SIRT1: variants seen among roughly 807,000 people sequenced by gnomAD.
The protein encoded by SIRT1 is NAD-dependent protein deacetylase sirtuin-1.
SIRT1 carries 24 observed loss-of-function variants against 67.9 expected under a neutral mutation model. That is an observed-to-expected ratio of 0.35 (90% CI 0.26 to 0.50). The LOEUF (loss-of-function observed/expected upper bound fraction) is 0.50. Among genes scored for constraint, SIRT1 ranks in the 20% least tolerant of loss-of-function variants. The pLI is 0.98. For synonymous variants in SIRT1, 378 were observed against 350.7 expected, an observed-to-expected ratio of 1.08 and a Z score of -0.87; for missense variants, 873 against 937.2, an observed-to-expected ratio of 0.93 and a Z score of 0.89.
chr10:67,886,078 G>T (rs1424124995), intron 1 of SIRT1, among the ~76,000 whole-genome samples: 1 of 151,498 alleles, frequency 6.6e-6, no homozygotes, highest in Non-Finnish European at 1.5e-5. Flanking sequence ...GAGTAGCTGG[G>T]ACTACAGACA....
intron 4 of SIRT1, among the ~76,000 whole-genome samples, chr10:67,899,815 TGGCTC>T (rs1842713583): frequency 6.6e-6 from 1 of 152,044 alleles, no homozygotes; most frequent in Admixed American, 6.6e-5. Flanking sequence ...CCAGGTGCGG[TGGCTC>T]ACACCTGTAA....
intron 8 of SIRT1, among the ~76,000 whole-genome samples, chr10:67,914,794 G>A (rs1022226233): frequency 1.4e-5 from 2 of 147,868 alleles, no homozygotes; most frequent in African/African-American, 2.5e-5. Flanking sequence ...GGCAACCTCC[G>A]CCTCCCGGGT....
chr10:67,898,960 T>TG (rs1842701173), intron 4 of SIRT1, among the ~76,000 whole-genome samples: 1 of 152,158 alleles, frequency 6.6e-6, no homozygotes. Flanking sequence ...AGTGGTGAAC[T>TG]GTAATTCTGT....
intron 4 of SIRT1, among the ~76,000 whole-genome samples, chr10:67,904,127 G>GTTTTTTTTTTTTTTTTTTTTT (rs1401398689): frequency 7.1e-6 from 1 of 140,050 alleles, no homozygotes. Context: ...TTTTTTGTTT[G>GTTTTTTTTTTTTTTTTTTTTT]TTTTTTTTTT....
intron 5 of SIRT1, among the ~76,000 whole-genome samples, 153 bp from the exon 6 acceptor site, chr10:67,907,893 T>C (rs1302599635): frequency 6.6e-6 from 1 of 152,208 alleles, no homozygotes; most frequent in African/African-American, 2.4e-5. Context: ...AAATCTGCAG[T>C]GTGTTCTGAG....
intron 8 of SIRT1, 26 bp from the exon 9 acceptor site, chr10:67,916,239 G>C: frequency 6.4e-7 from 1 of 1,573,754 alleles, no homozygotes; most frequent in Non-Finnish European, 8.7e-7. Context: ...AAAACTGAAA[G>C]TAACATTTTT....
Position 67,916,467 on chromosome 10 carries a change from T to C in SIRT1, c.2118T>C (p.Pro706=), listed in dbSNP as rs1564896166. 1.9e-6 allele frequency: 3 copies of C among 1,614,100 alleles called. 1 individual carries two copies. In the South Asian group the frequency reaches 3.3e-5, roughly 18 times the overall value. Residue 706 remains proline, a synonymous_variant, in exon 9 of 9, where the codon CCT becomes CCC. Transcript: ENST00000212015. ...TCTACAATGGCTTAGAAGATGAGCC[T>C]GATGTTCCAGAGAGAGCTGGAGGAG... ...EEFYNGLEDE[P]DVPERAGGAG...
rs1842444724 is a variant in SIRT1 at position 67,884,659 on chromosome 10, A to G, written c.-63A>G. ...CCGCAGCCGGAGCCGCGGGGGCGCC[A>G]GTGCCGCGCGTCGAGCGGGAGCAGA... is the stretch of plus-strand genomic sequence containing the variant. On this transcript the variant is annotated 5_prime_UTR_variant, in exon 1 of 9. Coordinates refer to ENST00000212015, the MANE Select transcript of SIRT1 (RefSeq NM_012238.5). 8.2e-7 allele frequency: 1 copy of G among 1,222,858 alleles called. No homozygotes were observed. Among genetic ancestry groups the G allele is most frequent in the East Asian group, 3.2e-5 (1 of 31,292 alleles). The allele number at this position is 1,222,858 out of a possible 1,614,324, so 75.8% of individuals were successfully genotyped here.
In SIRT1 at chr10:67,909,390, C is replaced by T. The variant is rs752143664; in HGVS notation, c.1305C>T (p.Leu435=). ...AGTATGACAAAGATGAAGTTGACCT[C>T]CTCATTGTTATTGGGTCTTCCCTCA... ...AMKYDKDEVD[L]LIVIGSSLKV... The change falls in exon 7 of 9, where the codon CTC becomes CTT. Residue 435 remains leucine, a synonymous_variant. Transcript: ENST00000212015. 7 of 1,613,402 alleles carry T rather than the reference C, an allele frequency of 4.3e-6. No homozygotes were observed. Among genetic ancestry groups the T allele is most frequent in the South Asian group, 1.1e-5 (1 of 90,846 alleles).
chr10:67,890,982 A>G lies in SIRT1; in HGVS notation c.790-420A>G, dbSNP rs191692215. Among the ~76,000 whole-genome samples the G allele has an allele frequency of 7.5e-3, 1,126 of 150,128 alleles. 17 individuals are homozygous for G. Among genetic ancestry groups the G allele is most frequent in the African/African-American group, 0.026 (1,071 of 40,714 alleles). On this transcript the variant is annotated intron_variant, in intron 3 of 8. Transcript: ENST00000212015. ...GAGGCGGAGCTTACAGTGAGCCGAG[A>G]TCGCACCACTGCACTCCAGACTGGG...
chr10:67,911,973 G>C (rs1038780200), intron 7 of SIRT1, among the ~76,000 whole-genome samples: 1 of 151,914 alleles, frequency 6.6e-6, no homozygotes, highest in Non-Finnish European at 1.5e-5. Flanking sequence ...CATGTTGGTC[G>C]GGTTGGTCTT....
intron 7 of SIRT1, among the ~76,000 whole-genome samples, chr10:67,910,181 C>T (rs1490632954): frequency 1.3e-5 from 2 of 152,012 alleles, no homozygotes; most frequent in Admixed American, 1.3e-4. Context: ...TTGAGACCAG[C>T]CTGGCCAACA....
intron 4 of SIRT1, among the ~76,000 whole-genome samples, chr10:67,902,877 C>G (rs1033091145): frequency 5.9e-5 from 9 of 152,068 alleles, no homozygotes; most frequent in African/African-American, 9.7e-5. Flanking sequence ...GGTGGATCAC[C>G]TGAGGTCTGG....
chr10:67,904,844 CAAA>C (rs34104914), intron 4 of SIRT1, among the ~76,000 whole-genome samples: 102 of 127,262 alleles, frequency 8.0e-4, no homozygotes, highest in African/African-American at 1.3e-3. Context: ...AACTCTGTCT[CAAA>C]AAAAAAAAAA....
intron 3 of SIRT1, among the ~76,000 whole-genome samples, chr10:67,891,199 A>G (rs1842567507): frequency 6.6e-6 from 1 of 152,148 alleles, no homozygotes; most frequent in African/African-American, 2.4e-5. Flanking sequence ...TTAAAGATGG[A>G]ATATGAGGTA....
In SIRT1 at chr10:67,891,445, G is replaced by A; in HGVS notation, c.833G>A (p.Gly278Asp). The A allele has an allele frequency of 6.2e-7, 1 of 1,614,080 alleles. No homozygotes were observed. ...CGIPDFRSRD[G>D]IYARLAVDFP... ...ATACCTGACTTCAGGTCAAGGGATG[G>A]TATTTATGCTCGCCTTGCTGTAGAC... The change falls in exon 4 of 9, where the codon GGT (glycine) becomes GAT (aspartate). Residue 278 changes from glycine to aspartate, a missense_variant. Physicochemically the swap from Gly to Asp is moderately conservative, Grantham distance 94. Transcript: ENST00000212015.
In SIRT1 at chr10:67,884,762, C is replaced by A; in HGVS notation, c.41C>A (p.Ser14Tyr). The A allele has an allele frequency of 8.1e-7, 1 of 1,228,440 alleles. No individual in the cohort carries two copies. Among genetic ancestry groups the A allele is most frequent in the Non-Finnish European group, 1.0e-6 (1 of 985,774 alleles). 76.1% of individuals were successfully genotyped at this position (1,228,440 alleles called of 1,614,324 possible). Residue 14 changes from serine (S) to tyrosine (Y), a missense_variant, in exon 1 of 9, where the codon TCC becomes TAC. Ser to Tyr is a moderately radical substitution (Grantham distance 144). This residue lies in a region of SIRT1 where 327 missense variants were observed against 283.9 expected (regional missense o/e 1.15). Transcript: ENST00000212015. ...EAALALQPGGSPSAAGADREA... is the reference protein window; with the variant it reads ...EAALALQPGGYPSAAGADREA... ...GCCCTCGCCCTTCAGCCCGGCGGCT[C>A]CCCCTCGGCGGCGGGGGCCGACAGG...
At chr10:67,886,741 G>C (rs965234953) in intron 1 of SIRT1, among the ~76,000 whole-genome samples, 8 of 152,000 alleles carry the variant, frequency 5.3e-5, no homozygotes, top group Admixed American at 2.6e-4. Context: ...AGTTTAACGT[G>C]CGCATTGCCA....
Position 67,916,299 on chromosome 10 carries a change from C to A in SIRT1, c.1950C>A (p.Tyr650Ter). ...NQYLFLPPNR[Y>*]IFHGAEVYSD... is the part of the protein sequence containing the mutation. ...ATCTGTTTTTGCCACCAAATCGTTA[C>A]ATTTTCCATGGCGCTGAGGTATATT... The change falls in exon 9 of 9, where the codon TAC becomes TAA. Residue 650 changes from tyrosine (Y) to a stop codon, truncating the protein, a stop_gained. Coordinates refer to ENST00000212015, the MANE Select transcript of SIRT1 (RefSeq NM_012238.5). LOFTEE classifies it high-confidence loss of function. 6.3e-7 allele frequency: 1 copy of A among 1,599,306 alleles called. No individual in the cohort carries two copies. The highest frequency in any genetic ancestry group is 8.6e-7 in the Non-Finnish European group (1 of 1,167,860).
Sources: allele counts gnomAD v4.1 joint callset (sites outside exome capture counted in the v4.1 genomes callset), GRCh38; gene constraint gnomAD v4.1.1; regional missense constraint gnomAD v4.1.1; transcripts MANE v1.5; gene names NCBI Gene and HGNC (gene_info 2026-07-23, HGNC 2026-07-21).